The following HLCS variants were observed in gnomAD, a reference collection of about 807,000 sequenced individuals.
The protein encoded by HLCS is biotin--protein ligase.
Under a neutral mutation model 75.0 loss-of-function variants are expected in HLCS, and 53 were observed. The observed-to-expected ratio is 0.71, with a 90% CI of 0.57 to 0.89. The LOEUF is 0.89. HLCS is among the 40% of genes least tolerant of loss of function. The pLI, the probability that HLCS is intolerant of heterozygous loss-of-function variation, is 0.00. For synonymous variants in HLCS, 431 were observed against 428.6 expected (o/e 1.01, Z -0.07); for missense variants, 966 against 1,074.0 (o/e 0.90, Z 1.41).
chr21:36,937,367 C>G lies in HLCS; in HGVS notation c.519G>C (p.Leu173=), dbSNP rs142669894. Residue 173 remains leucine (L), a synonymous_variant, in exon 4 of 11, where the codon CTG becomes CTC. Transcript: ENST00000674895. ...IVSVHLQDST[L]KEVKDQVSNK... is the part of the protein sequence containing the mutation. ...TTGAGACCTGATCCTTAACTTCCTT[C>G]AGAGTGGAGTCCTGCAAGTGCACCG... 3.0e-5 allele frequency: 49 copies of G among 1,613,840 alleles called. No individual in the cohort carries two copies. The highest frequency in any genetic ancestry group is 4.1e-5 in the Non-Finnish European group (48 of 1,180,034).
intron 6 of HLCS, among the ~76,000 whole-genome samples, chr21:36,768,797 C>T (rs991528800): frequency 6.6e-6 from 1 of 152,220 alleles, no homozygotes; most frequent in African/African-American, 2.4e-5. Flanking sequence ...CCACTGGGTC[C>T]AAGAAGAAAG....
At chr21:36,785,262 C>A (rs560659391) in intron 6 of HLCS, among the ~76,000 whole-genome samples, 2 of 152,262 alleles carry the variant, frequency 1.3e-5, no homozygotes, top group East Asian at 3.9e-4. Flanking sequence ...ATGCTTAGCA[C>A]CAGCTTAACT....
intron 5 of HLCS, among the ~76,000 whole-genome samples, chr21:36,919,994 T>C (rs1418490904): frequency 1.3e-5 from 2 of 152,162 alleles, no homozygotes; most frequent in Non-Finnish European, 2.9e-5. Context: ...GGTCATCTTG[T>C]CTACCCTCCC....
At chr21:36,833,307 G>A (rs8133296) in intron 6 of HLCS, among the ~76,000 whole-genome samples, 62,476 of 149,852 alleles carry the variant, frequency 0.42, 14,513 homozygotes, top group African/African-American at 0.62. Context: ...AGGATTGGCC[G>A]GGTGCAATGG....
chr21:36,884,667 C>T (rs1214161361), intron 6 of HLCS, among the ~76,000 whole-genome samples: 1 of 152,202 alleles, frequency 6.6e-6, no homozygotes, highest in African/African-American at 2.4e-5. Flanking sequence ...TATTGATTAT[C>T]TTTTCTAACC....
At chr21:36,826,445 C>T (rs1282250150) in intron 6 of HLCS, among the ~76,000 whole-genome samples, 1 of 152,196 alleles carries the variant, frequency 6.6e-6, no homozygotes, top group African/African-American at 2.4e-5. Flanking sequence ...CTGGAGCAGG[C>T]AGGATCAACC....
intron 1 of HLCS, among the ~76,000 whole-genome samples, chr21:36,978,008 C>T (rs970370611): frequency 3.3e-5 from 5 of 152,146 alleles, no homozygotes; most frequent in African/African-American, 9.7e-5. Context: ...CCCAGTAAAT[C>T]GAGTTGCCTT....
At chr21:36,952,122 A>G (rs908232051) in intron 2 of HLCS, among the ~76,000 whole-genome samples, 1 of 152,170 alleles carries the variant, frequency 6.6e-6, no homozygotes, top group Non-Finnish European at 1.5e-5. Context: ...TCCTTCTTCC[A>G]TAATATATTT....
rs376978071 is a variant in HLCS, at chr21:36,837,742, CT to C, written c.1892+59117del. ...AATTTTAGGGAAATTTGCAAGTCGG[CT>C]GCAATCATGAACATTGTATCAAGCC... On this transcript the variant is annotated intron_variant, in intron 6 of 10. Transcript: ENST00000674895. Among the ~76,000 whole-genome samples, 20 of 152,302 alleles carry C rather than the reference CT, an allele frequency of 1.3e-4. 1 individual carries two copies. The highest frequency in any genetic ancestry group is 4.3e-4 in the African/African-American group (18 of 41,558).
chr21:36,916,957 G>GT (rs1280875218), intron 5 of HLCS, among the ~76,000 whole-genome samples: 5 of 152,188 alleles, frequency 3.3e-5, no homozygotes, highest in Admixed American at 6.5e-5. Flanking sequence ...CTTAAAGGAA[G>GT]TAACATTTGC....
At chr21:36,907,696 A>C (rs1202110854) in intron 5 of HLCS, among the ~76,000 whole-genome samples, 1 of 152,180 alleles carries the variant, frequency 6.6e-6, no homozygotes, top group Non-Finnish European at 1.5e-5. Context: ...TGCTAAGAAC[A>C]GTGAAAAGAC....
chr21:36,761,288 C>T (rs1346052528), intron 8 of HLCS, among the ~76,000 whole-genome samples: 8 of 152,214 alleles, frequency 5.3e-5, no homozygotes, highest in Admixed American at 1.3e-4. Flanking sequence ...TCCTATGCTA[C>T]GCGGCCTGTT....
chr21:36,845,051 A>C (rs2062749125), intron 6 of HLCS, among the ~76,000 whole-genome samples: 1 of 152,142 alleles, frequency 6.6e-6, no homozygotes, highest in African/African-American at 2.4e-5. Context: ...TTGATTTTTT[A>C]TGCTTTCATT....
At chr21:36,939,288 A>C (rs889136713) in intron 2 of HLCS, among the ~76,000 whole-genome samples, 4 of 152,234 alleles carry the variant, frequency 2.6e-5, no homozygotes, top group African/African-American at 9.6e-5. Context: ...TTCCCCAGAC[A>C]CTGGAAAAAC....
intron 6 of HLCS, among the ~76,000 whole-genome samples, chr21:36,825,636 C>T (rs889283792): frequency 5.3e-5 from 8 of 152,168 alleles, no homozygotes; most frequent in Non-Finnish European, 7.3e-5. Flanking sequence ...AGGTCACCCC[C>T]GCCCCAGGAC....
At chr21:36,981,678 C>T (rs2069125048) in intron 1 of HLCS, among the ~76,000 whole-genome samples, 1 of 152,056 alleles carries the variant, frequency 6.6e-6, no homozygotes, top group Admixed American at 6.6e-5. Context: ...GGGGTTACAG[C>T]TGTAAGCCAC....
chr21:36,966,970 G>T (rs2068635022), upstream of HLCS, among the ~76,000 whole-genome samples: 1 of 151,568 alleles, frequency 6.6e-6, no homozygotes, highest in Non-Finnish European at 1.5e-5. Flanking sequence ...GGGGGCTCGA[G>T]GGAGTGGAGG....
chr21:36,961,743 CAGG>C (rs1250484669), intron 2 of HLCS, among the ~76,000 whole-genome samples: 1 of 152,080 alleles, frequency 6.6e-6, no homozygotes, highest in Non-Finnish European at 1.5e-5. Flanking sequence ...CACTTGAGGT[CAGG>C]AGTTCAAGAC....
intron 1 of HLCS, among the ~76,000 whole-genome samples, chr21:36,988,748 G>A (rs563586349): frequency 1.3e-4 from 20 of 152,286 alleles, no homozygotes; most frequent in South Asian, 8.3e-4. Flanking sequence ...AGTTAGAACC[G>A]TGATGGTATC....
Sources: allele counts gnomAD v4.1 joint callset (sites outside exome capture counted in the v4.1 genomes callset), GRCh38; gene constraint gnomAD v4.1.1; transcripts MANE v1.5; gene names NCBI Gene and HGNC (gene_info 2026-07-23, HGNC 2026-07-21).